The following SH3PXD2A variants were observed in gnomAD, a reference collection of about 807,000 sequenced individuals.
SH3PXD2A encodes SH3 and PX domain-containing protein 2A.
In SH3PXD2A, 32 loss-of-function variants were observed where a neutral mutation model predicts 115.2. The ratio of observed to expected loss-of-function variants is 0.28; its 90% confidence interval spans 0.21 to 0.37. The LOEUF is 0.37. SH3PXD2A is among the 10% of genes least tolerant of loss of function. The pLI, the probability that SH3PXD2A is intolerant of heterozygous loss-of-function variation, is 1.00. For missense variants in SH3PXD2A, 1,328 were observed against 1,498.7 expected, an observed-to-expected ratio of 0.89 and a Z score of 1.88; for synonymous variants, 610 against 629.1, an observed-to-expected ratio of 0.97 and a Z score of 0.45.
chr10:103,744,015 C>T (rs1187748966), intron 3 of SH3PXD2A, among the ~76,000 whole-genome samples: 1 of 152,190 alleles, frequency 6.6e-6, no homozygotes, highest in Non-Finnish European at 1.5e-5. Context: ...ACAGCCTCTA[C>T]TGGCTCCCCT....
intron 2 of SH3PXD2A, among the ~76,000 whole-genome samples, chr10:103,783,931 CTAA>C (rs1474800943): frequency 1.3e-5 from 2 of 152,236 alleles, no homozygotes; most frequent in African/African-American, 4.8e-5. Context: ...GCCAGCCCTT[CTAA>C]TGAGGCTCTC....
chr10:103,799,310 C>T (rs549338693), intron 2 of SH3PXD2A, among the ~76,000 whole-genome samples: 60 of 152,326 alleles, frequency 3.9e-4, no homozygotes, highest in African/African-American at 1.4e-3. Context: ...TCAAAATGAA[C>T]GCCACTAAAA....
chr10:103,652,987 C>T (rs2037152403), intron 8 of SH3PXD2A, among the ~76,000 whole-genome samples: 1 of 152,194 alleles, frequency 6.6e-6, no homozygotes, highest in Non-Finnish European at 1.5e-5. Context: ...TCTGCTGTTC[C>T]CTGCATTCAC....
chr10:103,681,527 G>C (rs1002453955), intron 6 of SH3PXD2A, among the ~76,000 whole-genome samples: 1 of 152,210 alleles, frequency 6.6e-6, no homozygotes, highest in African/African-American at 2.4e-5. Context: ...CAGCACTCTG[G>C]GGGGCCAAGG....
intron 6 of SH3PXD2A, among the ~76,000 whole-genome samples, chr10:103,672,931 G>A (rs1158491363): frequency 1.3e-5 from 2 of 152,198 alleles, no homozygotes; most frequent in African/African-American, 4.8e-5. Flanking sequence ...CCAGCAAGAA[G>A]CCAGGCCAGG....
intron 8 of SH3PXD2A, among the ~76,000 whole-genome samples, chr10:103,628,144 G>C (rs905512094): frequency 3.3e-5 from 5 of 152,214 alleles, no homozygotes; most frequent in Admixed American, 3.3e-4. Context: ...AGCACTGGGA[G>C]GTAGAGAAGG....
chr10:103,797,413 A>G (rs891259873), intron 2 of SH3PXD2A, among the ~76,000 whole-genome samples: 1 of 152,006 alleles, frequency 6.6e-6, no homozygotes, highest in African/African-American at 2.4e-5. Context: ...GGTTCTCTCC[A>G]TCTCTCCCAA....
intron 1 of SH3PXD2A, among the ~76,000 whole-genome samples, chr10:103,846,105 G>C (rs183917876): frequency 2.0e-5 from 3 of 152,014 alleles, no homozygotes; most frequent in Non-Finnish European, 2.9e-5. Flanking sequence ...ATGCTGCATT[G>C]ACACACACAC....
chr10:103,765,138 C>T (rs1451553048), intron 3 of SH3PXD2A, among the ~76,000 whole-genome samples: 1 of 152,170 alleles, frequency 6.6e-6, no homozygotes, highest in African/African-American at 2.4e-5. Flanking sequence ...GCTAATGCAA[C>T]TTCTCTGTAT....
At chr10:103,704,105 C>T (rs1371509891) in intron 5 of SH3PXD2A, among the ~76,000 whole-genome samples, 1 of 152,228 alleles carries the variant, frequency 6.6e-6, no homozygotes, top group African/African-American at 2.4e-5. Context: ...ACCTGCCAGT[C>T]ACAGGGCCCT....
chr10:103,785,900 C>T (rs566854062), intron 2 of SH3PXD2A, among the ~76,000 whole-genome samples: 6 of 151,692 alleles, frequency 4.0e-5, no homozygotes, highest in East Asian at 3.9e-4. Context: ...AAAAAGCCTC[C>T]GGGGAGGCTG....
At chr10:103,766,991 T>G in intron 3 of SH3PXD2A, 103 bp downstream of exon 3, 2 of 820,996 alleles carry the variant, frequency 2.4e-6, no homozygotes, top group South Asian at 2.9e-5. Context: ...TTCCTGGGCA[T>G]GCCCCGCCCA....
intron 13 of SH3PXD2A, chr10:103,609,517 C>T (rs1317464107): frequency 6.6e-6 from 1 of 152,242 alleles, no homozygotes; most frequent in Non-Finnish European, 1.5e-5. Context: ...GCATGACATT[C>T]AAGGACATTT....
chr10:103,661,176 C>T, intron 7 of SH3PXD2A, 62 bp from the exon 8 acceptor site: 1 of 1,576,120 alleles, frequency 6.3e-7, no homozygotes, highest in South Asian at 1.1e-5. Flanking sequence ...GGCCAGGGCG[C>T]CCCCTGTCCA....
At chr10:103,697,032 GATAC>G (rs1167086569) in intron 5 of SH3PXD2A, among the ~76,000 whole-genome samples, 1 of 152,086 alleles carries the variant, frequency 6.6e-6, no homozygotes, top group Admixed American at 6.5e-5. Context: ...ATCCCCGGGT[GATAC>G]GGTTCCTCTC....
chr10:103,664,434 G>A (rs921200413), intron 7 of SH3PXD2A, among the ~76,000 whole-genome samples: 2 of 152,168 alleles, frequency 1.3e-5, no homozygotes, highest in African/African-American at 2.4e-5. Flanking sequence ...TGATGGCCCC[G>A]TTTCACGCAT....
At chr10:103,793,420 G>A (rs1039048570) in intron 2 of SH3PXD2A, among the ~76,000 whole-genome samples, 2 of 152,122 alleles carry the variant, frequency 1.3e-5, no homozygotes, top group Non-Finnish European at 2.9e-5. Context: ...TCCACCCATG[G>A]ATCAGTCTCA....
At chr10:103,847,201 A>G (rs1842855752) in intron 1 of SH3PXD2A, among the ~76,000 whole-genome samples, 1 of 152,198 alleles carries the variant, frequency 6.6e-6, no homozygotes. Context: ...GCTGGAATGC[A>G]GTGGCATAAT....
intron 1 of SH3PXD2A, among the ~76,000 whole-genome samples, chr10:103,801,890 G>C (rs1482648411): frequency 6.6e-6 from 1 of 152,160 alleles, no homozygotes; most frequent in Non-Finnish European, 1.5e-5. Flanking sequence ...TTTTAGTAGA[G>C]ACGGGGTTTC....
Sources: gnomAD v4.1 joint callset for allele counts (sites outside exome capture counted in the v4.1 genomes callset) on GRCh38, gnomAD v4.1.1 for gene constraint, MANE v1.5 for transcripts, NCBI Gene and HGNC (gene_info 2026-07-23, HGNC 2026-07-21) for gene names.